TP73: variants seen among roughly 807,000 people sequenced by gnomAD.
TP73 encodes the protein p53-like transcription factor.
In TP73, 25 loss-of-function variants were observed where a neutral mutation model predicts 62.5. That is an observed-to-expected ratio of 0.40 (90% CI 0.29 to 0.56). The LOEUF is 0.56. Ranked by LOEUF, TP73 falls within the 20% of genes least tolerant of loss-of-function variation. The pLI, the probability that TP73 is intolerant of heterozygous loss-of-function variation, is 0.46. For synonymous variants in TP73, 423 were observed against 377.5 expected (o/e 1.12, Z -1.40); for missense variants, 754 against 913.3 (o/e 0.83, Z 2.25).
chr1:3,692,907 C>G (rs1570467686), intron 3 of TP73, among the ~76,000 whole-genome samples: 1 of 152,312 alleles, frequency 6.6e-6, no homozygotes, highest in South Asian at 2.1e-4. Context: ...CTGCTGGTGT[C>G]CACTCGGCTG....
At chr1:3,679,865 C>T (rs1249415777) in intron 1 of TP73, among the ~76,000 whole-genome samples, 1 of 150,798 alleles carries the variant, frequency 6.6e-6, no homozygotes, top group East Asian at 2.0e-4. Flanking sequence ...CTCTTTGTCC[C>T]TGTCTCTCTC....
intron 4 of TP73, among the ~76,000 whole-genome samples, chr1:3,721,789 G>C (rs1641091992): frequency 1.3e-5 from 2 of 152,148 alleles, no homozygotes; most frequent in African/African-American, 4.8e-5. Flanking sequence ...CTGTCATGGA[G>C]CCCAAATGAC....
chr1:3,655,152 C>T (rs546169799), intron 1 of TP73, among the ~76,000 whole-genome samples: 85 of 152,280 alleles, frequency 5.6e-4, no homozygotes, highest in African/African-American at 1.9e-3. Flanking sequence ...TTTGGGAGGC[C>T]GAGGTGGGTG....
chr1:3,707,520 C>A, intron 3 of TP73, 29 bp from the exon 4 acceptor site: 1 of 1,590,722 alleles, frequency 6.3e-7, no homozygotes. Flanking sequence ...TGTGTGTTTC[C>A]CCCTCCCTCC....
intron 1 of TP73, among the ~76,000 whole-genome samples, chr1:3,655,802 G>C (rs887194184): frequency 6.6e-6 from 1 of 152,126 alleles, no homozygotes; most frequent in Non-Finnish European, 1.5e-5. Flanking sequence ...TTTCTTAGAA[G>C]TTTGCCTTCT....
intron 4 of TP73, among the ~76,000 whole-genome samples, chr1:3,710,873 A>G (rs1640085082): frequency 6.6e-6 from 1 of 152,210 alleles, no homozygotes; most frequent in Non-Finnish European, 1.5e-5. Flanking sequence ...ATCACTGCCC[A>G]GGGTTCTAGT....
At chr1:3,690,829 C>T (rs1645798564) in intron 3 of TP73, 3 of 1,544,740 alleles carry the variant, frequency 1.9e-6, no homozygotes, top group Admixed American at 2.0e-5. Flanking sequence ...TGACCCTTCC[C>T]CTCGGGCCGC....
intron 4 of TP73, among the ~76,000 whole-genome samples, chr1:3,714,597 G>A (rs1557558104): frequency 6.6e-6 from 1 of 152,274 alleles, no homozygotes; most frequent in South Asian, 2.1e-4. Context: ...CGCTAGCTAG[G>A]TCCTTGCCAG....
intron 3 of TP73, among the ~76,000 whole-genome samples, chr1:3,704,867 G>A (rs902627156): frequency 3.3e-5 from 5 of 152,220 alleles, no homozygotes; most frequent in African/African-American, 1.2e-4. Flanking sequence ...TGTGCCAGAA[G>A]CCTACTGGCA....
In TP73 at chr1:3,704,129, C is replaced by T. The variant is rs75972949; in HGVS notation, c.187-3420C>T. Among the ~76,000 whole-genome samples, 1,237 of 152,350 alleles carry T rather than the reference C, an allele frequency of 8.1e-3. 20 individuals carry two copies. Among genetic ancestry groups the T allele is most frequent in the African/African-American group, 0.029 (1,189 of 41,576 alleles). Reference sequence around the variant, plus strand: ...GTTCAGCGAGCCTTTCAAGCAGCCACGCTGTAATAGGAGCACGGACTGAGG... The same window carrying T: ...GTTCAGCGAGCCTTTCAAGCAGCCATGCTGTAATAGGAGCACGGACTGAGG... On this transcript the variant is annotated intron_variant, in intron 3 of 13. Transcript: ENST00000378295.
At chr1:3,710,525 C>T (rs920722057) in intron 4 of TP73, among the ~76,000 whole-genome samples, 2 of 152,148 alleles carry the variant, frequency 1.3e-5, no homozygotes, top group Non-Finnish European at 2.9e-5. Context: ...TCCTGGGGCT[C>T]CCGGCACGCC....
At chr1:3,716,664 A>G (rs1640619623) in intron 4 of TP73, among the ~76,000 whole-genome samples, 1 of 152,134 alleles carries the variant, frequency 6.6e-6, no homozygotes, top group Admixed American at 6.5e-5. Flanking sequence ...ACAGCCTCCC[A>G]CGAAGGGGGC....
rs560879356 is a variant in TP73 at position 3,730,177 on chromosome 1, G to A, written c.1345+29G>A. Reference sequence around the variant, plus strand: ...AGTCCCTTGGGCAGTGCGGGCCCACGGGCAGGGCGGGGAGGCCCACTGGGG... The same window carrying A: ...AGTCCCTTGGGCAGTGCGGGCCCACAGGCAGGGCGGGGAGGCCCACTGGGG... On this transcript the variant is annotated intron_variant, in intron 11 of 13. Coordinates refer to ENST00000378295, the MANE Select transcript of TP73 (RefSeq NM_005427.4). 327 of 1,497,718 alleles carry A rather than the reference G, an allele frequency of 2.2e-4. 3 individuals carry two copies. In the South Asian group the frequency reaches 3.9e-3, roughly 18 times the overall value. 92.8% of individuals were successfully genotyped at this position (1,497,718 alleles called of 1,614,324 possible).
At chr1:3,693,430 C>T (rs565074557) in intron 3 of TP73, among the ~76,000 whole-genome samples, 110 of 152,252 alleles carry the variant, frequency 7.2e-4, no homozygotes, top group African/African-American at 2.5e-3. Flanking sequence ...ACTGTCTGAG[C>T]CCCCAGCTGG....
At chr1:3,700,370 C>T (rs1286148935) in intron 3 of TP73, among the ~76,000 whole-genome samples, 23 of 152,192 alleles carry the variant, frequency 1.5e-4, no homozygotes, top group Non-Finnish European at 1.5e-5. Context: ...CGGTCGTGAC[C>T]TCCCATGCCT....
chr1:3,702,945 T>G (rs1639318289), intron 3 of TP73, among the ~76,000 whole-genome samples: 1 of 152,154 alleles, frequency 6.6e-6, no homozygotes, highest in Non-Finnish European at 1.5e-5. Context: ...GGTTCCCTGT[T>G]TCAGCAGCTT....
intron 1 of TP73, among the ~76,000 whole-genome samples, chr1:3,661,725 T>C (rs1451834823): frequency 1.7e-4 from 1 of 5,820 alleles, no homozygotes; most frequent in East Asian, 2.2e-3. Flanking sequence ...ATTTTGTGTA[T>C]ATATATATAT....
At chr1:3,730,411 G>A (rs1642041228) in intron 11 of TP73, among the ~76,000 whole-genome samples, 2 of 152,242 alleles carry the variant, frequency 1.3e-5, no homozygotes. Context: ...GAGGGAGCTT[G>A]GGGAAGGCTC....
intron 1 of TP73, among the ~76,000 whole-genome samples, chr1:3,654,388 C>A (rs546678783): frequency 6.6e-6 from 1 of 152,154 alleles, no homozygotes; most frequent in Non-Finnish European, 1.5e-5. Context: ...CTCCAAATCC[C>A]GAAGGCCAGT....
Sources: allele counts gnomAD v4.1 joint callset (sites outside exome capture counted in the v4.1 genomes callset), GRCh38; gene constraint gnomAD v4.1.1; transcripts MANE v1.5; gene names NCBI Gene and HGNC (gene_info 2026-07-23, HGNC 2026-07-21).